The following CDH23 variants were observed in gnomAD, a reference collection of about 807,000 sequenced individuals.
CDH23 encodes the protein cadherin-23.
CDH23 carries 189 observed loss-of-function variants against 317.1 expected under a neutral mutation model. The observed-to-expected ratio is 0.60, with a 90% CI of 0.53 to 0.67. CDH23 has a LOEUF of 0.67. Among genes scored for constraint, CDH23 ranks in the 30% least tolerant of loss-of-function variants. The pLI, the probability that CDH23 is intolerant of heterozygous loss-of-function variation, is 0.00. For missense variants in CDH23, 4,401 were observed against 4,592.4 expected (o/e 0.96, Z 1.20); for synonymous variants, 1,839 against 1,876.8 (o/e 0.98, Z 0.52).
At chr10:71,646,759 TA>T (rs1177568557) in intron 14 of CDH23, 142 bp downstream of exon 14, 2 of 1,596,952 alleles carry the variant, frequency 1.3e-6, no homozygotes, top group African/African-American at 1.3e-5. Flanking sequence ...GTTGGTGTAT[TA>T]AATAAAGTTT....
At chr10:71,642,597 A>G (rs1023700203) in intron 11 of CDH23, among the ~76,000 whole-genome samples, 2 of 151,388 alleles carry the variant, frequency 1.3e-5, no homozygotes, top group Admixed American at 6.6e-5. Context: ...ACGGGGTTTC[A>G]CCATGTTGGC....
chr10:71,432,301 T>A (rs28478713), intron 1 of CDH23, among the ~76,000 whole-genome samples: 19 of 96,506 alleles, frequency 2.0e-4, no homozygotes, highest in African/African-American at 6.0e-4. Context: ...TGTGTGTGAG[T>A]GTGTGAATGT....
intron 9 of CDH23, among the ~76,000 whole-genome samples, chr10:71,584,976 G>A (rs1858948061): frequency 6.6e-6 from 1 of 152,164 alleles, no homozygotes; most frequent in African/African-American, 2.4e-5. Context: ...AGCAAAAGAA[G>A]TAGGTTATTG....
At chr10:71,502,712 T>G (rs1446603644) in intron 3 of CDH23, among the ~76,000 whole-genome samples, 1 of 152,078 alleles carries the variant, frequency 6.6e-6, no homozygotes, top group Admixed American at 6.5e-5. Flanking sequence ...TGGTAAGGAA[T>G]TCGTTTTCAT....
intron 6 of CDH23, among the ~76,000 whole-genome samples, chr10:71,565,239 ACC>A (rs553980319): frequency 8.7e-4 from 132 of 152,200 alleles, no homozygotes; most frequent in African/African-American, 3.0e-3. Context: ...ATGCTAAGGT[ACC>A]CAGGGCTTAG....
intron 1 of CDH23, among the ~76,000 whole-genome samples, chr10:71,419,450 C>A (rs575761953): frequency 3.9e-5 from 6 of 152,158 alleles, no homozygotes; most frequent in African/African-American, 1.4e-4. Flanking sequence ...GGACATTACC[C>A]CATGGAAAGT....
intron 3 of CDH23, among the ~76,000 whole-genome samples, chr10:71,464,407 C>T (rs1221830241): frequency 1.3e-5 from 2 of 152,300 alleles, no homozygotes; most frequent in Non-Finnish European, 1.5e-5. Flanking sequence ...AGACTGAAAT[C>T]CAAGGCAGCC....
At chr10:71,724,206 C>T (rs1866703601) in intron 29 of CDH23, 101 bp downstream of exon 29, 6 of 1,284,712 alleles carry the variant, frequency 4.7e-6, no homozygotes, top group Non-Finnish European at 6.6e-6. Flanking sequence ...CCAAGAGAAC[C>T]CCCAGGGCCA....
intron 3 of CDH23, among the ~76,000 whole-genome samples, chr10:71,453,629 A>C (rs1253842528): frequency 6.6e-6 from 1 of 152,274 alleles, no homozygotes; most frequent in African/African-American, 2.4e-5. Context: ...CCTCCTCCCA[A>C]TGTCCCTTTA....
Position 71,812,561 on chromosome 10 carries a change from G to C in CDH23, c.9462G>C (p.Glu3154Asp). The C allele has an allele frequency of 6.2e-7, 1 of 1,613,942 alleles. No homozygotes were observed. The highest frequency in any genetic ancestry group is 8.5e-7 in the Non-Finnish European group (1 of 1,179,894). Residue 3154 changes from glutamate to aspartate, a missense_variant, in exon 67 of 70, where the codon GAG (glutamate) becomes GAC (aspartate). Around this residue, in one of 3 missense-constraint regions of CDH23, gnomAD observed 1,144 missense variants for 1,138.2 expected, o/e 1.01. Transcript: ENST00000224721. ...CGGAGCATGAGGATGACCTACCGGAGAACCTGAGTGAGATCGCCGACCTGT... is the reference window on the plus strand; with the variant it reads ...CGGAGCATGAGGATGACCTACCGGACAACCTGAGTGAGATCGCCGACCTGT... Reference protein sequence around the residue: ...AQAEHEDDLPENLSEIADLWN... With the variant: ...AQAEHEDDLPDNLSEIADLWN...
chr10:71,398,595 G>T (rs1236763088), intron 1 of CDH23, among the ~76,000 whole-genome samples: 2 of 152,010 alleles, frequency 1.3e-5, no homozygotes, highest in African/African-American at 4.8e-5. Flanking sequence ...CCACGATGGG[G>T]AGAGCTGGCT....
chr10:71,715,931 C>A lies in CDH23; in HGVS notation c.3369+3118C>A, dbSNP rs1303272565. The stretch of plus-strand genomic sequence containing the variant: ...GGATGTGGGGGCATGTTTGTGGACA[C>A]CCCATTACATCTTGGTAGATTCCAT... On this transcript the variant is annotated intron_variant, in intron 28 of 69. Coordinates refer to ENST00000224721, the MANE Select transcript of CDH23 (RefSeq NM_022124.6). 5 of 1,457,982 alleles carry A rather than the reference C, an allele frequency of 3.4e-6. No individual in the cohort carries two copies. In the African/African-American group the frequency reaches 7.2e-5, roughly 21 times the overall value. The allele number at this position is 1,457,982 out of a possible 1,614,324, so 90.3% of individuals were successfully genotyped here. A position where few individuals can be genotyped will look rare whatever the true frequency, so the allele number is the denominator to read the frequency against.
Position 71,590,873 on chromosome 10 carries a change from T to TAAA in CDH23, c.832+12892_832+12894dup, listed in dbSNP as rs71018215. Among the ~76,000 whole-genome samples the TAAA allele has an allele frequency of 7.2e-4, 52 of 72,246 alleles. 1 individual carries two copies. The highest frequency in any genetic ancestry group is 1.0e-3 in the African/African-American group (15 of 14,474). 47.4% of individuals were successfully genotyped at this position (72,246 alleles called of 152,430 possible). A position where few individuals can be genotyped will look rare whatever the true frequency, so the allele number is the denominator to read the frequency against. ...GGGCAACAGAGTGAGACCCTGTCTC[T>TAAA]AAAAAAAAAAAAACAAAAAAAAACA... On this transcript the variant is annotated intron_variant, in intron 9 of 69. Transcript: ENST00000224721.
intron 3 of CDH23, among the ~76,000 whole-genome samples, chr10:71,467,238 G>T (rs1034838040): frequency 1.1e-4 from 17 of 152,208 alleles, no homozygotes; most frequent in African/African-American, 3.9e-4. Context: ...TAACTGTACA[G>T]ACATAAACGT....
At chr10:71,702,379 C>A (rs992210225) in intron 23 of CDH23, among the ~76,000 whole-genome samples, 168 bp downstream of exon 23, 1 of 152,094 alleles carries the variant, frequency 6.6e-6, no homozygotes. Flanking sequence ...CCTGAGGGAA[C>A]GGAGGGAGCT....
intron 14 of CDH23, among the ~76,000 whole-genome samples, chr10:71,663,003 G>A (rs1863742438): frequency 6.6e-6 from 1 of 152,176 alleles, no homozygotes; most frequent in Non-Finnish European, 1.5e-5. Context: ...TCTTCTCTGT[G>A]CCTTTCCTCT....
intron 22 of CDH23, 47 bp downstream of exon 22, chr10:71,695,572 G>A (rs1330698088): frequency 7.4e-7 from 1 of 1,351,036 alleles, no homozygotes; most frequent in Non-Finnish European, 1.1e-6. Context: ...CCTTCCCAGG[G>A]GTCTGTGCCC....
intron 1 of CDH23, among the ~76,000 whole-genome samples, chr10:71,406,153 C>T (rs1186340232): frequency 1.3e-5 from 2 of 152,062 alleles, no homozygotes; most frequent in Non-Finnish European, 2.9e-5. Context: ...GATGTGTCTC[C>T]CTATCTCTGT....
intron 3 of CDH23, among the ~76,000 whole-genome samples, chr10:71,508,509 C>G (rs1853770082): frequency 6.6e-6 from 1 of 152,198 alleles, no homozygotes; most frequent in African/African-American, 2.4e-5. Context: ...AATAGCTCAG[C>G]TTATGCCTGG....
Sources: allele counts gnomAD v4.1 joint callset (sites outside exome capture counted in the v4.1 genomes callset), GRCh38; gene constraint gnomAD v4.1.1; regional missense constraint gnomAD v4.1.1; transcripts MANE v1.5; gene names NCBI Gene and HGNC (gene_info 2026-07-23, HGNC 2026-07-21).